The following NAA11 variants were observed in gnomAD, a reference collection of about 807,000 sequenced individuals.
NAA11 encodes N-alpha-acetyltransferase 11, NatA catalytic subunit, also known as N-alpha-acetyltransferase 11.
In NAA11, 15 loss-of-function variants were observed where a neutral mutation model predicts 16.1. The ratio of observed to expected loss-of-function variants is 0.93; its 90% CI spans 0.62 to 1.44. The LOEUF (loss-of-function observed/expected upper bound fraction) is 1.44, where lower values mean the gene tolerates loss of function less well. Ranked by LOEUF, NAA11 falls within the 40% of genes most tolerant of loss-of-function variation. The pLI, the probability that NAA11 is intolerant of heterozygous loss-of-function variation, is 0.00. For missense variants in NAA11, 298 were observed against 291.3 expected, an observed-to-expected ratio of 1.02 and a Z score of -0.17; for synonymous variants, 122 against 112.4, an observed-to-expected ratio of 1.09 and a Z score of -0.54.
chr4:79,278,798 T>C (rs186750712), intron 2 of NAA11, among the ~76,000 whole-genome samples: 66 of 152,278 alleles, frequency 4.3e-4, no homozygotes, highest in Admixed American at 1.5e-3. Flanking sequence ...TCCTTTATAA[T>C]ACATGTCTTA....
chr4:79,163,884 T>G, the NAA11 span, among the ~76,000 whole-genome samples: 2 of 152,224 alleles, frequency 1.3e-5, no homozygotes, highest in Non-Finnish European at 2.9e-5. Flanking sequence ...GGGCCAGAGC[T>G]ATAATCTATT....
the NAA11 span, among the ~76,000 whole-genome samples, chr4:79,155,787 T>A: frequency 6.6e-6 from 1 of 152,250 alleles, no homozygotes; most frequent in African/African-American, 2.4e-5. Context: ...TCTCCTGCTC[T>A]GTTATCAGGA....
At chr4:79,215,876 T>G in the NAA11 span, among the ~76,000 whole-genome samples, 73 of 152,338 alleles carry the variant, frequency 4.8e-4, 1 homozygote, top group Non-Finnish European at 6.2e-4. Context: ...TGGCAAAGAA[T>G]GAGTATTATA....
chr4:79,251,649 C>A (rs1721999592), intron 2 of NAA11, among the ~76,000 whole-genome samples: 1 of 148,332 alleles, frequency 6.7e-6, no homozygotes, highest in African/African-American at 2.5e-5. Flanking sequence ...AAAAAAAAAA[C>A]ACCTTTTGTT....
chr4:79,195,055 A>G, the NAA11 span, among the ~76,000 whole-genome samples: 1 of 152,088 alleles, frequency 6.6e-6, no homozygotes, highest in Non-Finnish European at 1.5e-5. Context: ...TATCTAATCT[A>G]AATACTTCTT....
At chr4:79,321,711 T>C (rs978086513) in intron 1 of NAA11, among the ~76,000 whole-genome samples, 2 of 152,246 alleles carry the variant, frequency 1.3e-5, no homozygotes, top group Non-Finnish European at 2.9e-5. Flanking sequence ...TATCACATTA[T>C]AGATACTTAA....
intron 2 of NAA11, among the ~76,000 whole-genome samples, chr4:79,280,581 A>G (rs921100753): frequency 2.0e-5 from 3 of 151,418 alleles, no homozygotes; most frequent in Non-Finnish European, 2.9e-5. Context: ...TTGAATTCTG[A>G]TACATTTTGA....
At chr4:79,182,382 T>C in the NAA11 span, among the ~76,000 whole-genome samples, 1 of 152,110 alleles carries the variant, frequency 6.6e-6, no homozygotes, top group African/African-American at 2.4e-5. Context: ...TCAATACTAA[T>C]GGGGGAAGCA....
At chr4:79,301,402 T>C (rs1723377726) in intron 1 of NAA11, among the ~76,000 whole-genome samples, 1 of 152,220 alleles carries the variant, frequency 6.6e-6, no homozygotes, top group Non-Finnish European at 1.5e-5. Flanking sequence ...ATATTGATCA[T>C]CTATACTAAT....
chr4:79,195,818 T>G, the NAA11 span: 1 of 152,110 alleles, frequency 6.6e-6, no homozygotes, highest in Admixed American at 6.6e-5. Context: ...ATAAGGGGCT[T>G]TTCACCCTTT....
chr4:79,282,378 A>T (rs1244826958), intron 2 of NAA11, among the ~76,000 whole-genome samples: 1 of 152,112 alleles, frequency 6.6e-6, no homozygotes, highest in African/African-American at 2.4e-5. Context: ...AAAAGGAATT[A>T]TAGCATGATA....
chr4:79,158,562 A>G, the NAA11 span, among the ~76,000 whole-genome samples: 8 of 151,960 alleles, frequency 5.3e-5, no homozygotes, highest in Non-Finnish European at 1.2e-4. Flanking sequence ...ATGCAATGCA[A>G]TTCCCATTAA....
chr4:79,246,339 C>G (rs1263769980), intron 2 of NAA11, among the ~76,000 whole-genome samples: 1 of 145,634 alleles, frequency 6.9e-6, no homozygotes, highest in African/African-American at 2.6e-5. Context: ...TGCCAAATCC[C>G]TCTCTCCGAG....
the NAA11 span, among the ~76,000 whole-genome samples, chr4:79,157,241 A>G: frequency 7.9e-5 from 12 of 152,022 alleles, no homozygotes; most frequent in South Asian, 1.9e-3. Context: ...GTAGTCTTTT[A>G]TCTCTCACCC....
intron 1 of NAA11, among the ~76,000 whole-genome samples, chr4:79,319,174 C>G (rs765336548): frequency 6.6e-6 from 1 of 152,154 alleles, no homozygotes; most frequent in Non-Finnish European, 1.5e-5. Flanking sequence ...GCAAAGCTCC[C>G]GCCTTGGCCT....
At chr4:79,313,699 G>A (rs1578194246), downstream of NAA11, among the ~76,000 whole-genome samples, 1 of 152,220 alleles carries the variant, frequency 6.6e-6, no homozygotes, top group African/African-American at 2.4e-5. Flanking sequence ...GTGTCTTACT[G>A]GATTTCAAAG....
At chr4:79,323,351 C>T (rs935540043) in intron 1 of NAA11, among the ~76,000 whole-genome samples, 1 of 152,204 alleles carries the variant, frequency 6.6e-6, no homozygotes, top group Admixed American at 6.5e-5. Flanking sequence ...TCCTTTAAAA[C>T]TTAGTTTCAG....
At chr4:79,222,290 C>T (rs1399042269), downstream of NAA11, among the ~76,000 whole-genome samples, 6 of 151,900 alleles carry the variant, frequency 3.9e-5, no homozygotes, top group South Asian at 6.2e-4. Context: ...GTCTTGCTAG[C>T]GGTCTATCAA....
At chr4:79,202,623 TTATATATATATATATATA>T in the NAA11 span, among the ~76,000 whole-genome samples, 8 of 52,638 alleles carry the variant, frequency 1.5e-4, 1 homozygote, top group Non-Finnish European at 3.6e-4. Context: ...ATATATAGTT[TTATATATATATATATATA>T]TATATATATC....
Sources: gnomAD v4.1 joint callset for allele counts (sites outside exome capture counted in the v4.1 genomes callset) on GRCh38, gnomAD v4.1.1 for gene constraint, MANE v1.5 for transcripts, NCBI Gene and HGNC (gene_info 2026-07-23, HGNC 2026-07-21) for gene names.